Variants in GRAMD1B observed in about 807,000 individuals in gnomAD.
GRAMD1B encodes the protein protein Aster-B.
GRAMD1B carries 37 observed loss-of-function variants against 99.7 expected under a neutral mutation model. The observed-to-expected ratio is 0.37, with a 90% CI of 0.29 to 0.49. The LOEUF is 0.49. Among genes scored for constraint, GRAMD1B ranks in the 20% least tolerant of loss-of-function variants. The pLI, the probability that GRAMD1B is intolerant of heterozygous loss-of-function variation, is 0.98. For missense variants in GRAMD1B, 888 were observed against 1,009.2 expected (o/e 0.88, Z 1.63); for synonymous variants, 427 against 387.6 (o/e 1.10, Z -1.19).
At chr11:123,608,548 T>C in intron 11 of GRAMD1B, 111 bp from the exon 12 acceptor site, 1 of 1,546,284 alleles carries the variant, frequency 6.5e-7, no homozygotes, top group South Asian at 1.2e-5. Context: ...TCCATACCCT[T>C]GTTGACTGTG....
intron 2 of GRAMD1B, among the ~76,000 whole-genome samples, chr11:123,561,880 C>A (rs560562075): frequency 5.3e-5 from 8 of 152,280 alleles, no homozygotes; most frequent in Admixed American, 3.9e-4. Flanking sequence ...TGGGAGCCAC[C>A]CGGAGCAGGA....
chr11:123,473,959 G>A lies in GRAMD1B; in HGVS notation c.375-6857G>A, dbSNP rs561493810. On this transcript the variant is annotated intron_variant, in intron 1 of 19. Transcript: ENST00000635736. The stretch of plus-strand genomic sequence containing the variant: ...TCCCCCATACACCTTTCCTACTTAA[G>A]CTGAAATAGTAAATGCCAGAGTCAT... 7.9e-5 allele frequency among the ~76,000 whole-genome samples: 12 copies of A among 152,210 alleles called. No individual in the cohort carries two copies. In the South Asian group the frequency reaches 2.5e-3, roughly 32 times the overall value.
At chr11:123,427,667 C>T (rs1948702188), upstream of GRAMD1B, among the ~76,000 whole-genome samples, 1 of 151,848 alleles carries the variant, frequency 6.6e-6, no homozygotes, top group African/African-American at 2.4e-5. Flanking sequence ...TTTTAACGGT[C>T]AAAAGGGTTA....
intron 1 of GRAMD1B, among the ~76,000 whole-genome samples, chr11:123,419,706 T>TGTGTGTGTGTGTGTGTGTAA (rs1948357755): frequency 2.2e-5 from 1 of 45,172 alleles, no homozygotes; most frequent in African/African-American, 1.8e-4. Flanking sequence ...TAAGTGTGTG[T>TGTGTGTGTGTGTGTGTGTAA]GTGTGTGTGT....
chr11:123,517,592 T>C (rs186967751), intron 2 of GRAMD1B, among the ~76,000 whole-genome samples: 45 of 152,264 alleles, frequency 3.0e-4, no homozygotes, highest in South Asian at 1.2e-3. Flanking sequence ...TAAGTATAGA[T>C]TTGAACTCAA....
chr11:123,589,692 C>T (rs1950454140), intron 4 of GRAMD1B, among the ~76,000 whole-genome samples: 1 of 150,670 alleles, frequency 6.6e-6, no homozygotes, highest in Non-Finnish European at 1.5e-5. Flanking sequence ...ACACTCCTGA[C>T]CTAAAGTGAT....
chr11:123,598,790 C>T, intron 7 of GRAMD1B: 1 of 977,874 alleles, frequency 1.0e-6, no homozygotes, highest in Non-Finnish European at 1.7e-6. Flanking sequence ...TCCCATTCTC[C>T]CATTTCTTCT....
intron 2 of GRAMD1B, among the ~76,000 whole-genome samples, chr11:123,500,676 C>T (rs1288141845): frequency 6.6e-6 from 1 of 151,684 alleles, no homozygotes; most frequent in Non-Finnish European, 1.5e-5. Flanking sequence ...TACCTTGAAA[C>T]CTTTTTATTT....
chr11:123,622,460 C>A, intron 19 of GRAMD1B, 46 bp from the exon 20 acceptor site: 1 of 1,200,370 alleles, frequency 8.3e-7, no homozygotes, highest in Non-Finnish European at 1.2e-6. Flanking sequence ...GAGAATCCCA[C>A]TAAAAGCGCA....
At chr11:123,617,877 G>T (rs1954642828) in intron 17 of GRAMD1B, among the ~76,000 whole-genome samples, 1 of 151,594 alleles carries the variant, frequency 6.6e-6, no homozygotes, top group South Asian at 2.1e-4. Context: ...AGCCCCTCCA[G>T]CCCCTGGATG....
chr11:123,476,509 T>A (rs968314599), intron 1 of GRAMD1B, among the ~76,000 whole-genome samples: 10 of 152,264 alleles, frequency 6.6e-5, no homozygotes, highest in African/African-American at 1.9e-4. Flanking sequence ...ATATACCCTA[T>A]GCCTGTTGCC....
chr11:123,413,988 T>A (rs1215521581), intron 1 of GRAMD1B, among the ~76,000 whole-genome samples: 1 of 152,106 alleles, frequency 6.6e-6, no homozygotes, highest in Non-Finnish European at 1.5e-5. Flanking sequence ...GTACAGTGGA[T>A]GATCTCAGAA....
intron 2 of GRAMD1B, among the ~76,000 whole-genome samples, chr11:123,526,386 G>A (rs534361842): frequency 5.7e-4 from 87 of 152,138 alleles, no homozygotes; most frequent in South Asian, 5.4e-3. Flanking sequence ...CTTCGAGGTC[G>A]GGGGTTTTGT....
intron 1 of GRAMD1B, among the ~76,000 whole-genome samples, chr11:123,462,897 A>AAAAAT (rs1950502105): frequency 6.7e-6 from 1 of 148,438 alleles, no homozygotes; most frequent in African/African-American, 2.5e-5. Flanking sequence ...AAATTAAAAA[A>AAAAAT]AAAAAAAAAA....
chr11:123,621,866 T>TTTC (rs751672365), intron 19 of GRAMD1B, among the ~76,000 whole-genome samples: 2 of 73,618 alleles, frequency 2.7e-5, no homozygotes, highest in East Asian at 8.5e-4. Context: ...TCTTTCTTTC[T>TTTC]TTTCTTTCTT....
At chr11:123,567,723 G>A (rs1290333788) in intron 2 of GRAMD1B, among the ~76,000 whole-genome samples, 1 of 152,188 alleles carries the variant, frequency 6.6e-6, no homozygotes, top group Admixed American at 6.5e-5. Flanking sequence ...CAGCAGGGGG[G>A]AGTGGGATGG....
chr11:123,576,228 C>T (rs1948692362), intron 2 of GRAMD1B, among the ~76,000 whole-genome samples: 1 of 152,226 alleles, frequency 6.6e-6, no homozygotes. Flanking sequence ...CAGCCCTGCA[C>T]CCCACTCCCC....
Position 123,622,669 on chromosome 11 carries a change from AATAT to A in GRAMD1B, c.*84_*87del, listed in dbSNP as rs758360520. ...TAGACCATATAAATATATATATATA[AATAT>A]ATATATATACAGAATATAAATATAT... is the stretch of plus-strand genomic sequence containing the variant. On this transcript the variant is annotated 3_prime_UTR_variant, in exon 20 of 20. Coordinates refer to ENST00000635736, the MANE Select transcript of GRAMD1B (RefSeq NM_001387025.1). 1 of 333,590 alleles carries A rather than the reference AATAT, an allele frequency of 3.0e-6. No homozygotes were observed. The highest frequency in any genetic ancestry group is 5.3e-6 in the Non-Finnish European group (1 of 188,400). 20.7% of individuals were successfully genotyped at this position (333,590 alleles called of 1,614,324 possible).
At position 123,577,489 on chromosome 11, in the gene GRAMD1B, C is replaced by T; in HGVS notation, c.575C>T (p.Ser192Phe). 1 of 1,603,836 alleles carries T rather than the reference C, an allele frequency of 6.2e-7. No homozygotes were observed. The highest frequency in any genetic ancestry group is 1.1e-5 in the South Asian group (1 of 88,956). ...ATGGTGGAGAAGGGCTCAGATCACT[C>T]CTCGGACAAGTCCCCGTCCACACCG... Reference protein sequence around the residue: ...DTMVEKGSDHSSDKSPSTPEQ... With the variant: ...DTMVEKGSDHFSDKSPSTPEQ... The change falls in exon 3 of 20, where the codon TCC (serine) becomes TTC (phenylalanine). Residue 192 changes from serine to phenylalanine, a missense_variant. Around this residue, in one of 5 missense-constraint regions of GRAMD1B, gnomAD observed 233 missense variants for 154.6 expected, o/e 1.51. Coordinates refer to ENST00000635736, the MANE Select transcript of GRAMD1B (RefSeq NM_001387025.1).
Sources: allele counts gnomAD v4.1 joint callset (sites outside exome capture counted in the v4.1 genomes callset), GRCh38; gene constraint gnomAD v4.1.1; regional missense constraint gnomAD v4.1.1; transcripts MANE v1.5; gene names NCBI Gene and HGNC (gene_info 2026-07-23, HGNC 2026-07-21).